The following SOX5 variants were observed in gnomAD, a reference collection of about 807,000 sequenced individuals.
SOX5 encodes the protein transcription factor SOX-5.
A neutral mutation model predicts 92.0 loss-of-function variants in SOX5; 9 were observed. The observed-to-expected ratio is 0.10, with a 90% CI of 0.06 to 0.17. The LOEUF is 0.17. Among genes scored for constraint, SOX5 ranks in the 10% least tolerant of loss-of-function variants. SOX5 has a pLI of 1.00. For synonymous variants in SOX5, 344 were observed against 336.3 expected (o/e 1.02, Z -0.25); for missense variants, 642 against 944.5 (o/e 0.68, Z 4.20).
At chr12:24,122,280 G>T (rs1248763682) in intron 4 of SOX5, among the ~76,000 whole-genome samples, 1 of 152,166 alleles carries the variant, frequency 6.6e-6, no homozygotes, top group African/African-American at 2.4e-5. Flanking sequence ...CACAATAAAA[G>T]TAATGGCTGC....
intron 9 of SOX5, among the ~76,000 whole-genome samples, chr12:23,587,336 T>C (rs1001664020): frequency 1.3e-5 from 2 of 152,098 alleles, no homozygotes; most frequent in African/African-American, 4.8e-5. Context: ...AGGTTGAAGA[T>C]ACTCAAAAAT....
At chr12:23,881,344 T>C (rs1216306834) in intron 2 of SOX5, among the ~76,000 whole-genome samples, 1 of 152,196 alleles carries the variant, frequency 6.6e-6, no homozygotes, top group Non-Finnish European at 1.5e-5. Context: ...TCTTTTTCTC[T>C]TTCATTCCCT....
At chr12:23,885,513 A>AT (rs2097054286) in intron 2 of SOX5, among the ~76,000 whole-genome samples, 1 of 152,156 alleles carries the variant, frequency 6.6e-6, no homozygotes, top group African/African-American at 2.4e-5. Context: ...TCCTCTATAT[A>AT]ATGATAACAT....
At position 24,074,884 on chromosome 12, in the gene SOX5, TTTTG is replaced by T. The variant is rs1377720617; in HGVS notation, c.-2+138455_-2+138458del. Among the ~76,000 whole-genome samples the T allele has an allele frequency of 1.6e-4, 24 of 151,024 alleles. No homozygotes were observed. The South Asian group carries it at 3.4e-3, about 21-fold the overall frequency. ...CTCTTTGGATTACTTTCTTTTGTTT[TTTTG>T]TTTGTTTGTTTTATTTTGTTTTTTT... is the stretch of plus-strand genomic sequence containing the variant. On this transcript the variant is annotated intron_variant, in intron 4 of 4. Coordinates refer to the SOX5 transcript ENST00000446891.
At chr12:23,874,566 A>C (rs1275890145) in intron 2 of SOX5, among the ~76,000 whole-genome samples, 1 of 152,196 alleles carries the variant, frequency 6.6e-6, no homozygotes, top group Non-Finnish European at 1.5e-5. Flanking sequence ...TGTAATAGAG[A>C]CATCGGAAAT....
chr12:23,656,598 T>C (rs1051010017), intron 7 of SOX5, among the ~76,000 whole-genome samples: 1 of 152,112 alleles, frequency 6.6e-6, no homozygotes, highest in African/African-American at 2.4e-5. Context: ...AAGATATCCA[T>C]AATGTATTTT....
At chr12:23,757,951 A>G (rs140028719) in intron 3 of SOX5, among the ~76,000 whole-genome samples, 1 of 143,652 alleles carries the variant, frequency 7.0e-6, no homozygotes, top group Non-Finnish European at 1.5e-5. Context: ...GCATAAAGAT[A>G]TAAGGCTGGT....
At chr12:24,036,245 C>A (rs943614093) in intron 4 of SOX5, among the ~76,000 whole-genome samples, 1 of 151,980 alleles carries the variant, frequency 6.6e-6, no homozygotes, top group South Asian at 2.1e-4. Context: ...GTAGCAATAA[C>A]GACAGTTAAT....
chr12:23,935,590 G>T (rs974847636), intron 1 of SOX5, among the ~76,000 whole-genome samples: 8 of 151,100 alleles, frequency 5.3e-5, no homozygotes, highest in African/African-American at 1.7e-4. Flanking sequence ...CTCAAAAACA[G>T]TTCCAGTTAG....
At chr12:24,362,074 T>C (rs547899289) in intron 2 of SOX5, among the ~76,000 whole-genome samples, 2 of 152,326 alleles carry the variant, frequency 1.3e-5, no homozygotes, top group African/African-American at 2.4e-5. Flanking sequence ...GAGGGTTTGA[T>C]GGTGGGTGGG....
At chr12:24,265,311 T>C (rs181091107) in intron 3 of SOX5, among the ~76,000 whole-genome samples, 256 of 152,272 alleles carry the variant, frequency 1.7e-3, no homozygotes, top group Middle Eastern at 6.8e-3. Context: ...TTTTGGTAAG[T>C]TGAGCCGGGC....
In SOX5 at chr12:23,877,952, G is replaced by A. The variant is rs73267712; in HGVS notation, c.270+17841C>T. 1.2e-3 allele frequency among the ~76,000 whole-genome samples: 189 copies of A among 151,420 alleles called. 1 individual carries two copies. Among genetic ancestry groups the A allele is most frequent in the African/African-American group, 4.3e-3 (177 of 41,332 alleles). On this transcript the variant is annotated intron_variant, in intron 2 of 14. Transcript: ENST00000451604. ...ATTAATTTATTTTCTTATGCTTTTCGGGTTCTGTTTTATGACTCCACTGAG... is the reference window on the plus strand; with the variant it reads ...ATTAATTTATTTTCTTATGCTTTTCAGGTTCTGTTTTATGACTCCACTGAG...
intron 2 of SOX5, among the ~76,000 whole-genome samples, chr12:24,284,380 G>A (rs189184305): frequency 6.6e-6 from 1 of 152,208 alleles, no homozygotes; most frequent in Admixed American, 6.5e-5. Context: ...ACTACTGGGA[G>A]GAGAGCTGAT....
chr12:24,262,197 C>A (rs111614386), intron 3 of SOX5, among the ~76,000 whole-genome samples: 1 of 152,202 alleles, frequency 6.6e-6, no homozygotes, highest in African/African-American at 2.4e-5. Flanking sequence ...AATTCTGCAA[C>A]GAACGAAATT....
At position 24,491,269 on chromosome 12, in the gene SOX5, C is replaced by T. The variant is rs145327358; in HGVS notation, c.-251+71060G>A. 5.5e-3 allele frequency among the ~76,000 whole-genome samples: 837 copies of T among 152,242 alleles called. 6 individuals are homozygous for T. The highest frequency in any genetic ancestry group is 0.021 in the Middle Eastern group (6 of 292). ...AACTCTGACTTGAATTGAGCCCTTA[C>T]ATGGAAATTTTTCCTGCTTGTGGCA... On this transcript the variant is annotated intron_variant, in intron 1 of 4. Transcript: ENST00000446891.
At position 23,711,170 on chromosome 12, in the gene SOX5, A is replaced by T. The variant is rs113389363; in HGVS notation, c.810+23514T>A. On this transcript the variant is annotated intron_variant, in intron 6 of 14. Coordinates refer to ENST00000451604, the MANE Select transcript of SOX5 (RefSeq NM_006940.6). The stretch of plus-strand genomic sequence containing the variant: ...CTATGTTGCCTTTTTTTCTGTTTAC[A>T]TCGGCAATGTGGCATATTAGTTTGT... Among the ~76,000 whole-genome samples the T allele has an allele frequency of 8.6e-3, 1,313 of 152,310 alleles. 23 individuals carry two copies. Among genetic ancestry groups the T allele is most frequent in the African/African-American group, 0.03 (1,247 of 41,560 alleles).
intron 4 of SOX5, among the ~76,000 whole-genome samples, chr12:24,001,164 C>T (rs1951572718): frequency 6.6e-6 from 1 of 152,076 alleles, no homozygotes; most frequent in South Asian, 2.1e-4. Context: ...AATCATGGCT[C>T]ACTACAGCCT....
chr12:23,938,953 A>C (rs1943118017), intron 1 of SOX5, among the ~76,000 whole-genome samples: 1 of 151,092 alleles, frequency 6.6e-6, no homozygotes, highest in Admixed American at 6.6e-5. Context: ...TTTTTATTAA[A>C]GTGCTGATCA....
intron 2 of SOX5, among the ~76,000 whole-genome samples, chr12:24,334,126 A>T (rs1951635943): frequency 2.0e-5 from 3 of 151,976 alleles, no homozygotes; most frequent in African/African-American, 4.8e-5. Flanking sequence ...AAAATAAAAG[A>T]GTAATTGTAA....
Sources: allele counts gnomAD v4.1 joint callset (sites outside exome capture counted in the v4.1 genomes callset), GRCh38; gene constraint gnomAD v4.1.1; transcripts MANE v1.5; gene names NCBI Gene and HGNC (gene_info 2026-07-23, HGNC 2026-07-21).